The following CNTNAP5 variants were observed in gnomAD, a reference collection of about 807,000 sequenced individuals.
CNTNAP5 encodes contactin associated protein family member 5.
CNTNAP5 carries 72 observed loss-of-function variants against 150.2 expected under a neutral mutation model. The ratio of observed to expected loss-of-function variants is 0.48; its 90% CI spans 0.40 to 0.58. The LOEUF is 0.58. Ranked by LOEUF, CNTNAP5 falls within the 20% of genes least tolerant of loss-of-function variation. The pLI is 0.00. For missense variants in CNTNAP5, 1,636 were observed against 1,626.2 expected (o/e 1.01, Z -0.10); for synonymous variants, 672 against 619.8 (o/e 1.08, Z -1.25).
intron 17 of CNTNAP5, among the ~76,000 whole-genome samples, chr2:124,777,892 G>T (rs936803486): frequency 1.3e-5 from 2 of 151,788 alleles, no homozygotes; most frequent in Non-Finnish European, 2.9e-5. Flanking sequence ...AGCTCAGAAA[G>T]AGAGGACCCG....
At chr2:124,529,812 C>A (rs1032395133) in intron 10 of CNTNAP5, among the ~76,000 whole-genome samples, 1 of 152,028 alleles carries the variant, frequency 6.6e-6, no homozygotes, top group South Asian at 2.1e-4. Flanking sequence ...ACTCTGAGAC[C>A]CCTTGCCAGT....
chr2:124,062,101 C>T (rs762144480), intron 1 of CNTNAP5, among the ~76,000 whole-genome samples: 18 of 152,172 alleles, frequency 1.2e-4, no homozygotes, highest in Middle Eastern at 6.8e-3. Context: ...CACCACATGG[C>T]CAATACTTGC....
chr2:124,609,458 T>G (rs1677327469), intron 11 of CNTNAP5, among the ~76,000 whole-genome samples: 1 of 151,978 alleles, frequency 6.6e-6, no homozygotes, highest in South Asian at 2.1e-4. Context: ...GTCAGGGTGG[T>G]GGCTCACACC....
chr2:124,423,464 G>A (rs1316377095), intron 4 of CNTNAP5, among the ~76,000 whole-genome samples: 1 of 151,944 alleles, frequency 6.6e-6, no homozygotes, highest in African/African-American at 2.4e-5. Flanking sequence ...AGTTCTGTCT[G>A]GGGGCTTCCA....
At chr2:124,309,286 G>A (rs1190712447) in intron 3 of CNTNAP5, among the ~76,000 whole-genome samples, 1 of 152,152 alleles carries the variant, frequency 6.6e-6, no homozygotes, top group Non-Finnish European at 1.5e-5. Context: ...TGGGAGGGAT[G>A]ACTGTGACAG....
At chr2:124,069,476 C>T (rs1682246984) in intron 1 of CNTNAP5, among the ~76,000 whole-genome samples, 1 of 152,026 alleles carries the variant, frequency 6.6e-6, no homozygotes, top group Admixed American at 6.5e-5. Flanking sequence ...ATTGTAGATC[C>T]CTAGGGACTT....
At chr2:124,175,024 A>G (rs888120581) in intron 1 of CNTNAP5, among the ~76,000 whole-genome samples, 5 of 152,238 alleles carry the variant, frequency 3.3e-5, no homozygotes, top group African/African-American at 1.2e-4. Context: ...TAATTAAAGT[A>G]AGTACATTTT....
chr2:124,657,457 A>G (rs1678483374), intron 13 of CNTNAP5, among the ~76,000 whole-genome samples: 1 of 151,820 alleles, frequency 6.6e-6, no homozygotes, highest in African/African-American at 2.4e-5. Context: ...TTCCACATCA[A>G]CCACCTCCAT....
chr2:124,350,417 A>G (rs1689848201), intron 3 of CNTNAP5, among the ~76,000 whole-genome samples: 1 of 151,676 alleles, frequency 6.6e-6, no homozygotes. Flanking sequence ...ATATAAATTT[A>G]AAGTAATTTG....
intron 3 of CNTNAP5, among the ~76,000 whole-genome samples, chr2:124,252,557 C>G (rs1392757104): frequency 6.6e-6 from 1 of 152,146 alleles, no homozygotes; most frequent in Non-Finnish European, 1.5e-5. Context: ...GGTGGGGACT[C>G]TAATCTGTTG....
At chr2:124,515,461 C>G (rs1694688194) in intron 8 of CNTNAP5, among the ~76,000 whole-genome samples, 1 of 152,196 alleles carries the variant, frequency 6.6e-6, no homozygotes, top group Non-Finnish European at 1.5e-5. Context: ...AGAGAAATCA[C>G]CCTGCACTAT....
At chr2:124,264,381 CACACACAT>C (rs70996056) in intron 3 of CNTNAP5, among the ~76,000 whole-genome samples, 35,158 of 102,980 alleles carry the variant, frequency 0.34, 4,855 homozygotes, top group South Asian at 0.43. Context: ...CAGGCACACA[CACACACAT>C]ACACACACAC....
chr2:124,190,239 C>CA (rs1196503628), intron 1 of CNTNAP5, among the ~76,000 whole-genome samples: 9 of 152,140 alleles, frequency 5.9e-5, no homozygotes, highest in African/African-American at 1.9e-4. Context: ...ATAAGAGCCA[C>CA]TATTAGGCTA....
chr2:124,614,936 A>G (rs1367967991), intron 12 of CNTNAP5, among the ~76,000 whole-genome samples: 6 of 152,146 alleles, frequency 3.9e-5, no homozygotes, highest in Non-Finnish European at 7.3e-5. Context: ...TATAAAAGTT[A>G]TGTTTACACT....
chr2:124,272,178 A>C (rs2104614197), intron 3 of CNTNAP5, among the ~76,000 whole-genome samples: 1 of 152,284 alleles, frequency 6.6e-6, no homozygotes, highest in African/African-American at 2.4e-5. Context: ...TGCTATAGAT[A>C]GCTAACATCA....
chr2:124,852,789 C>A (rs1014269220), intron 19 of CNTNAP5, among the ~76,000 whole-genome samples: 6 of 152,116 alleles, frequency 3.9e-5, no homozygotes, highest in Non-Finnish European at 7.3e-5. Flanking sequence ...TGCAAAGATG[C>A]ACAATGTATT....
intron 11 of CNTNAP5, among the ~76,000 whole-genome samples, chr2:124,586,011 T>C (rs1465304375): frequency 6.6e-6 from 1 of 152,108 alleles, no homozygotes; most frequent in Non-Finnish European, 1.5e-5. Context: ...TGCTTCTCAA[T>C]ATATGGTCCT....
chr2:124,147,056 G>A (rs1341811743), intron 1 of CNTNAP5, among the ~76,000 whole-genome samples: 7 of 152,208 alleles, frequency 4.6e-5, no homozygotes, highest in South Asian at 2.1e-4. Context: ...ATGCTTTCTC[G>A]AAGTAATCCA....
intron 3 of CNTNAP5, among the ~76,000 whole-genome samples, chr2:124,336,518 T>TC (rs1689473206): frequency 2.3e-5 from 2 of 88,326 alleles, no homozygotes; most frequent in African/African-American, 9.0e-5. Context: ...ATGCTATCCC[T>TC]CCCCCCTCCC....
Sources: gnomAD v4.1 joint callset for allele counts (sites outside exome capture counted in the v4.1 genomes callset) on GRCh38, gnomAD v4.1.1 for gene constraint, MANE v1.5 for transcripts, NCBI Gene and HGNC (gene_info 2026-07-23, HGNC 2026-07-21) for gene names.